The following DARS1 variants were observed in gnomAD, a reference collection of about 807,000 sequenced individuals.
DARS1 encodes aspartate--tRNA ligase, cytoplasmic.
DARS1 carries 51 observed loss-of-function variants against 68.8 expected under a neutral mutation model. The observed-to-expected ratio is 0.74, with a 90% confidence interval of 0.59 to 0.94. The LOEUF is 0.94. Among genes scored for constraint, DARS1 ranks in the 40% least tolerant of loss-of-function variants. The probability of loss-of-function intolerance (pLI) is 0.00; values close to 1 mark genes in which losing one functional copy is unlikely to be tolerated. For synonymous variants in DARS1, 203 were observed against 190.4 expected (o/e 1.07, Z -0.55); for missense variants, 607 against 597.3 (o/e 1.02, Z -0.17).
Position 135,983,465 on chromosome 2 carries a change from A to T in DARS1, c.67-11T>A, listed in dbSNP as rs536495975. 2.0e-6 allele frequency: 2 copies of T among 999,456 alleles called. No individual in the cohort carries two copies. The highest frequency in any genetic ancestry group is 2.8e-5 in the South Asian group (2 of 71,786). The allele number at this position is 999,456 out of a possible 1,614,324, so 61.9% of individuals were successfully genotyped here. A position where few individuals can be genotyped will look rare whatever the true frequency, so the allele number is the denominator to read the frequency against. ...CTCTTTAGCATAATCCTACAAAAAAAGTTTTTTGCATCGTGACTTTTTATG... is the reference window on the plus strand; with the variant it reads ...CTCTTTAGCATAATCCTACAAAAAATGTTTTTTGCATCGTGACTTTTTATG... On this transcript the variant is annotated splice_polypyrimidine_tract_variant and intron_variant, in intron 1 of 15. Coordinates refer to ENST00000264161, the MANE Select transcript of DARS1 (RefSeq NM_001349.4).
Position 135,943,498 on chromosome 2 carries a change from T to C in DARS1, c.321-18A>G. ...TGTTGATGCTGTCAAGAGAAAAAAT[T>C]CCCAACTTGAATCATCTCATCAGAG... On this transcript the variant is annotated intron_variant, in intron 4 of 15. Coordinates refer to ENST00000264161, the MANE Select transcript of DARS1 (RefSeq NM_001349.4). The C allele has an allele frequency of 1.9e-6, 3 of 1,609,532 alleles. No homozygotes were observed. Among genetic ancestry groups the C allele is most frequent in the Non-Finnish European group, 2.5e-6 (3 of 1,178,706 alleles).
chr2:135,935,415 T>G (rs1575391768), intron 5 of DARS1, among the ~76,000 whole-genome samples: 1 of 147,370 alleles, frequency 6.8e-6, no homozygotes, highest in African/African-American at 2.5e-5. Flanking sequence ...GCTAACAGAG[T>G]GAAACCCCAT....
At chr2:135,985,265 GCGCCCGGACCCCA>G in intron 1 of DARS1, 125 bp downstream of exon 1, 1 of 1,385,436 alleles carries the variant, frequency 7.2e-7, no homozygotes, top group Non-Finnish European at 9.5e-7. Context: ...AGGGCTCTAG[GCGCCCGGACCCCA>G]CGCCCGCAGC....
chr2:135,926,764 T>C (rs1020649223), intron 7 of DARS1, among the ~76,000 whole-genome samples: 1 of 152,202 alleles, frequency 6.6e-6, no homozygotes, highest in Non-Finnish European at 1.5e-5. Flanking sequence ...ACTAGCTATC[T>C]CTGCTGGTTG....
intron 3 of DARS1, among the ~76,000 whole-genome samples, chr2:135,966,960 T>C (rs1237180377): frequency 6.6e-6 from 1 of 152,232 alleles, no homozygotes. Flanking sequence ...AGAAATTTTT[T>C]ATCGTGAAGT....
intron 12 of DARS1, among the ~76,000 whole-genome samples, chr2:135,913,695 T>C (rs1376500537): frequency 6.6e-6 from 1 of 151,004 alleles, no homozygotes; most frequent in Admixed American, 6.6e-5. Flanking sequence ...GGGGTGGAGG[T>C]TGTAGTCAGC....
chr2:135,919,106 C>A (rs1681060288), intron 10 of DARS1, among the ~76,000 whole-genome samples: 1 of 152,178 alleles, frequency 6.6e-6, no homozygotes, highest in Non-Finnish European at 1.5e-5. Context: ...ATCCAGCTCA[C>A]TGCAACCTCC....
intron 4 of DARS1, among the ~76,000 whole-genome samples, chr2:135,958,490 TA>T (rs929395274): frequency 1.3e-5 from 2 of 152,182 alleles, no homozygotes; most frequent in African/African-American, 4.8e-5. Context: ...AAAAAAGTTC[TA>T]AAAAGTTCTT....
At chr2:135,928,318 G>T (rs1017602133) in intron 7 of DARS1, among the ~76,000 whole-genome samples, 2 of 152,226 alleles carry the variant, frequency 1.3e-5, no homozygotes, top group Admixed American at 1.3e-4. Context: ...AAAGGCAGTG[G>T]GAAAGACATT....
chr2:135,975,921 C>G (rs565015797), intron 3 of DARS1, among the ~76,000 whole-genome samples: 1 of 152,226 alleles, frequency 6.6e-6, no homozygotes, highest in African/African-American at 2.4e-5. Context: ...TGCACTCCAG[C>G]CTGAGTGACA....
intron 10 of DARS1, among the ~76,000 whole-genome samples, chr2:135,918,728 A>T (rs1681053286): frequency 6.6e-6 from 1 of 152,254 alleles, no homozygotes; most frequent in South Asian, 2.1e-4. Context: ...CAGTATTTTT[A>T]AAAAATGAGT....
chr2:135,944,050 T>C (rs1681665055), intron 4 of DARS1, among the ~76,000 whole-genome samples: 1 of 152,188 alleles, frequency 6.6e-6, no homozygotes, highest in Non-Finnish European at 1.5e-5. Flanking sequence ...AGGGTGCCTA[T>C]ATGAAGTTTA....
intron 5 of DARS1, among the ~76,000 whole-genome samples, chr2:135,940,050 C>A (rs536223687): frequency 1.3e-5 from 2 of 152,080 alleles, no homozygotes; most frequent in African/African-American, 4.8e-5. Context: ...CAGGACCAGA[C>A]GGATTCACAA....
At chr2:135,932,909 C>T (rs1255495245) in intron 6 of DARS1, 67 bp from the exon 7 acceptor site, 5 of 756,352 alleles carry the variant, frequency 6.6e-6, no homozygotes, top group Non-Finnish European at 1.1e-5. Context: ...ACAAAAAATA[C>T]TTTTAGAAGC....
intron 9 of DARS1, 78 bp downstream of exon 9, chr2:135,922,706 T>C: frequency 7.0e-7 from 1 of 1,422,738 alleles, no homozygotes; most frequent in African/African-American, 1.5e-5. Flanking sequence ...CTGTACATTA[T>C]ATAAGTAAAA....
chr2:135,944,473 G>A (rs966137718), intron 4 of DARS1, among the ~76,000 whole-genome samples: 1 of 152,014 alleles, frequency 6.6e-6, no homozygotes, highest in Admixed American at 6.6e-5. Flanking sequence ...AATGAAAAAG[G>A]ATCAAAATGA....
At chr2:135,969,156 T>C (rs1333673773) in intron 3 of DARS1, among the ~76,000 whole-genome samples, 4 of 152,124 alleles carry the variant, frequency 2.6e-5, no homozygotes, top group Non-Finnish European at 4.4e-5. Flanking sequence ...TACACCCATC[T>C]TGGAGAAATA....
intron 5 of DARS1, among the ~76,000 whole-genome samples, chr2:135,938,255 T>C (rs181803614): frequency 2.6e-5 from 4 of 152,244 alleles, no homozygotes; most frequent in African/African-American, 9.6e-5. Context: ...CAATCACAGA[T>C]ACTCTTTCTT....
intron 4 of DARS1, among the ~76,000 whole-genome samples, chr2:135,948,739 C>T (rs1681779124): frequency 2.0e-5 from 3 of 151,980 alleles, no homozygotes; most frequent in African/African-American, 7.3e-5. Flanking sequence ...GGCGTGGTAG[C>T]GTGTGCCTGT....
Sources: gnomAD v4.1 joint callset for allele counts (sites outside exome capture counted in the v4.1 genomes callset) on GRCh38, gnomAD v4.1.1 for gene constraint, MANE v1.5 for transcripts, NCBI Gene and HGNC (gene_info 2026-07-23, HGNC 2026-07-21) for gene names.